Variants in RBM4B observed in about 807,000 individuals in gnomAD.
RBM4B encodes the protein RNA-binding protein 4B.
A neutral mutation model predicts 28.5 loss-of-function variants in RBM4B; 13 were observed. The ratio of observed to expected loss-of-function variants is 0.46; its 90% CI spans 0.30 to 0.72. RBM4B has a LOEUF of 0.72. Ranked by LOEUF, RBM4B falls within the 30% of genes least tolerant of loss-of-function variation. The pLI is 0.09. For missense variants in RBM4B, 387 were observed against 477.6 expected (o/e 0.81, Z 1.77); for synonymous variants, 167 against 179.1 (o/e 0.93, Z 0.54).
At chr11:66,673,256 C>T (rs1293592307) in intron 2 of RBM4B, among the ~76,000 whole-genome samples, 1 of 151,758 alleles carries the variant, frequency 6.6e-6, no homozygotes, top group Non-Finnish European at 1.5e-5. Context: ...TTGGGAATAG[C>T]TTCTTTAGGT....
At chr11:66,669,357 A>G in intron 2 of RBM4B, 66 bp from the exon 3 acceptor site, 1 of 1,450,988 alleles carries the variant, frequency 6.9e-7, no homozygotes. Context: ...TCTCCTCCCC[A>G]AATGAAAGTA....
chr11:66,665,413 A>ACTTC lies in RBM4B; in HGVS notation c.*174_*175insGAAG. On this transcript the variant is annotated 3_prime_UTR_variant, in exon 4 of 4. Coordinates refer to ENST00000310046, the MANE Select transcript of RBM4B (RefSeq NM_031492.4). ...GGCTACAGAGACTAGTTTCAGGAGG[A>ACTTC]AAGAAAAGTCAACTTAGAAGAATTA... 1.5e-6 allele frequency: 1 copy of ACTTC among 654,716 alleles called. No homozygotes were observed. 40.6% of individuals were successfully genotyped at this position (654,716 alleles called of 1,614,324 possible).
rs771359086 is a variant in RBM4B at position 66,668,957 on chromosome 11, G to C, written c.747C>G (p.Ser249=). Residue 249 remains serine, a synonymous_variant, in exon 3 of 4, where the codon TCC becomes TCG. Coordinates refer to ENST00000310046, the MANE Select transcript of RBM4B (RefSeq NM_031492.4). ...SAYNYAEQTM[S]HLPQVQSTTV... is the part of the protein sequence containing the mutation. Reference sequence around the variant, plus strand: ...TTGTGCTTTGGACTTGAGGCAGATGGGACATGGTCTGCTCTGCGTAGTTGT... The same window carrying C: ...TTGTGCTTTGGACTTGAGGCAGATGCGACATGGTCTGCTCTGCGTAGTTGT... 6.2e-7 allele frequency: 1 copy of C among 1,614,180 alleles called. No individual in the cohort carries two copies.
At chr11:66,666,300 A>AG in intron 3 of RBM4B, 2 of 1,070,558 alleles carry the variant, frequency 1.9e-6, no homozygotes, top group Non-Finnish European at 2.3e-6. Context: ...TTACAGACAA[A>AG]GGGCCAAATC....
At chr11:66,673,578 C>T (rs775192533) in intron 2 of RBM4B, among the ~76,000 whole-genome samples, 1 of 152,206 alleles carries the variant, frequency 6.6e-6, no homozygotes, top group Non-Finnish European at 1.5e-5. Context: ...CCTGCCTCAG[C>T]CTCCTGAGTA....
chr11:66,669,131 A>C lies in RBM4B; in HGVS notation c.573T>G (p.Asn191Lys). ...GTGTTCGAACTGCTCCATATTGTTC[A>C]TTATACTGCTCAGTAAAGTCTGCCA... ...GRVADFTEQY[N>K]EQYGAVRTPY... Residue 191 changes from asparagine (N) to lysine (K), a missense_variant, in exon 3 of 4, where the codon AAT becomes AAG. Around this residue, in one of 2 missense-constraint regions of RBM4B, gnomAD observed 161 missense variants for 256.9 expected, o/e 0.63. Transcript: ENST00000310046. The C allele has an allele frequency of 6.2e-7, 1 of 1,614,142 alleles. No homozygotes were observed. The highest frequency in any genetic ancestry group is 8.5e-7 in the Non-Finnish European group (1 of 1,180,034).
At chr11:66,665,669 C>CG (rs1035364385) in intron 3 of RBM4B, 91 bp from the exon 4 acceptor site, 41 of 1,514,566 alleles carry the variant, frequency 2.7e-5, no homozygotes, top group African/African-American at 1.1e-4. Flanking sequence ...TCCTGTATTC[C>CG]GGGGGGAAAA....
At chr11:66,675,845 TTTATC>T (rs1391003090) in intron 2 of RBM4B, 5 of 152,206 alleles carry the variant, frequency 3.3e-5, no homozygotes, top group Non-Finnish European at 7.3e-5. Flanking sequence ...AATTTTAAAT[TTTATC>T]TAATCTGTTA....
chr11:66,668,526 C>G, intron 3 of RBM4B, 89 bp downstream of exon 3: 2 of 1,016,662 alleles, frequency 2.0e-6, no homozygotes, highest in Non-Finnish European at 2.9e-6. Flanking sequence ...GTCCGGAGAG[C>G]ACAGGTGGCT....
rs1471388811 is a variant in RBM4B at position 66,668,782 on chromosome 11, G to A, written c.922C>T (p.Arg308Cys). Residue 308 changes from arginine (R) to cysteine (C), a missense_variant, in exon 3 of 4, where the codon CGT becomes TGT. Coordinates refer to ENST00000310046, the MANE Select transcript of RBM4B (RefSeq NM_031492.4). ...YYGRDRSPLR[R>C]AAAMLPTVGE... ...ACTGTGGGGAGCATGGCTGCAGCAC[G>A]ACGCAGTGGGCTCCTGTCCCTTCCA... 12 of 1,614,104 alleles carry A rather than the reference G, an allele frequency of 7.4e-6. No homozygotes were observed. The Admixed American group carries it at 1.0e-4, about 13-fold the overall frequency.
chr11:66,670,986 G>A, intron 2 of RBM4B: 1 of 702,616 alleles, frequency 1.4e-6, no homozygotes, highest in Non-Finnish European at 2.6e-6. Flanking sequence ...CCACCATCCT[G>A]TTGGAAATAG....
chr11:66,673,434 G>T (rs1352938922), intron 2 of RBM4B, among the ~76,000 whole-genome samples: 6 of 152,142 alleles, frequency 3.9e-5, no homozygotes, highest in Non-Finnish European at 4.4e-5. Context: ...AGAAATAAAG[G>T]TTCAAAAGAT....
chr11:66,676,611 T>C, intron 2 of RBM4B, 57 bp downstream of exon 2: 1 of 1,582,454 alleles, frequency 6.3e-7, no homozygotes, highest in Non-Finnish European at 8.6e-7. Flanking sequence ...CTTGTGTTCT[T>C]GCCTGTTTTG....
intron 2 of RBM4B, among the ~76,000 whole-genome samples, chr11:66,672,377 T>C (rs1335135696): frequency 1.8e-5 from 2 of 108,724 alleles, no homozygotes; most frequent in Non-Finnish European, 3.4e-5. Flanking sequence ...GCCACTGCAC[T>C]ACAGCCTAGG....
intron 3 of RBM4B, chr11:66,666,118 TCA>T: frequency 6.3e-6 from 5 of 794,832 alleles, no homozygotes; most frequent in Non-Finnish European, 9.5e-6. Context: ...TGTCACACTG[TCA>T]CAGAGTGAGA....
intron 3 of RBM4B, chr11:66,668,307 T>C (rs1353963895): frequency 3.5e-6 from 1 of 283,154 alleles, no homozygotes; most frequent in African/African-American, 2.1e-5. Flanking sequence ...ACATAACAAA[T>C]GTTAGATCTC....
In RBM4B at chr11:66,670,807, CAAAAAAA is replaced by C. The variant is rs879056062; in HGVS notation, c.413-1523_413-1517del. ...TGGGCAACAGTGTGAGACTCCATCT[CAAAAAAA>C]AAAAAAAAATGGAAAACGCAGTCAG... On this transcript the variant is annotated intron_variant, in intron 2 of 3. Transcript: ENST00000310046. 7.8e-6 allele frequency: 4 copies of C among 512,862 alleles called. No homozygotes were observed. The African/African-American group carries it at 1.1e-4, about 14-fold the overall frequency. The allele number at this position is 512,862 out of a possible 1,614,324, so 31.8% of individuals were successfully genotyped here. A position where few individuals can be genotyped will look rare whatever the true frequency, so the allele number is the denominator to read the frequency against.
chr11:66,676,258 A>G lies in RBM4B; in HGVS notation c.412+410T>C, dbSNP rs1939632492. 2.4e-5 allele frequency: 6 copies of G among 251,882 alleles called. No homozygotes were observed. In the Admixed American group the frequency reaches 2.5e-4, roughly 10 times the overall value. 15.6% of individuals were successfully genotyped at this position (251,882 alleles called of 1,614,324 possible). A position where few individuals can be genotyped will look rare whatever the true frequency, so the allele number is the denominator to read the frequency against. ...CCCACCAGTATCCACCCAAAGCAGTAAAGAATATAAATCTTAAGCACTTAA... is the reference window on the plus strand; with the variant it reads ...CCCACCAGTATCCACCCAAAGCAGTGAAGAATATAAATCTTAAGCACTTAA... On this transcript the variant is annotated intron_variant, in intron 2 of 3. Coordinates refer to ENST00000310046, the MANE Select transcript of RBM4B (RefSeq NM_031492.4).
intron 3 of RBM4B, chr11:66,666,291 T>TTA: frequency 9.2e-7 from 1 of 1,085,684 alleles, no homozygotes; most frequent in Non-Finnish European, 1.1e-6. Flanking sequence ...CTCTACTTAT[T>TTA]ACAGACAAAG....
Sources: allele counts gnomAD v4.1 joint callset (sites outside exome capture counted in the v4.1 genomes callset), GRCh38; gene constraint gnomAD v4.1.1; regional missense constraint gnomAD v4.1.1; transcripts MANE v1.5; gene names NCBI Gene and HGNC (gene_info 2026-07-23, HGNC 2026-07-21).